The following SELP variants were observed in gnomAD, a reference collection of about 807,000 sequenced individuals.
SELP encodes P-selectin.
Under a neutral mutation model 104.1 loss-of-function variants are expected in SELP, and 92 were observed. That is an observed-to-expected ratio of 0.88 (90% CI 0.75 to 1.05). The LOEUF is 1.05. Among genes scored for constraint, SELP ranks in the 50% least tolerant of loss-of-function variants. The probability of loss-of-function intolerance (pLI) is 0.00; values close to 1 mark genes in which losing one functional copy is unlikely to be tolerated. For synonymous variants in SELP, 397 were observed against 364.5 expected (o/e 1.09, Z -1.01); for missense variants, 1,022 against 1,017.3 (o/e 1.00, Z -0.06).
chr1:169,611,908 A>G (rs2101903510), intron 6 of SELP, among the ~76,000 whole-genome samples: 1 of 152,096 alleles, frequency 6.6e-6, no homozygotes, highest in Non-Finnish European at 1.5e-5. Context: ...TATTCCCTAT[A>G]CTTCTATAAA....
intron 2 of SELP, among the ~76,000 whole-genome samples, chr1:169,618,614 T>C (rs1662942402): frequency 6.6e-6 from 1 of 152,236 alleles, no homozygotes; most frequent in South Asian, 2.1e-4. Context: ...TGAGGGTTAG[T>C]CATGCTTGTA....
chr1:169,609,210 C>T (rs1662359522), intron 8 of SELP, among the ~76,000 whole-genome samples: 3 of 152,122 alleles, frequency 2.0e-5, no homozygotes, highest in South Asian at 4.1e-4. Context: ...TTCCCCATCC[C>T]ATGCTATTCC....
At chr1:169,599,965 G>A (rs373898077) in intron 10 of SELP, among the ~76,000 whole-genome samples, 1 of 152,150 alleles carries the variant, frequency 6.6e-6, no homozygotes, top group South Asian at 2.1e-4. Flanking sequence ...ACAGTGTTAA[G>A]GGATTAGGAA....
intron 10 of SELP, among the ~76,000 whole-genome samples, chr1:169,602,057 A>C (rs1661934287): frequency 6.6e-6 from 1 of 152,182 alleles, no homozygotes; most frequent in Non-Finnish European, 1.5e-5. Flanking sequence ...TCTCAGGGGA[A>C]TTAAAGACAG....
intron 8 of SELP, 65 bp downstream of exon 8, chr1:169,609,439 A>C: frequency 6.9e-7 from 1 of 1,450,190 alleles, no homozygotes; most frequent in Non-Finnish European, 9.4e-7. Flanking sequence ...GCCAATGCTC[A>C]GTGCAGATGC....
At chr1:169,598,255 G>A (rs768243626) in intron 10 of SELP, among the ~76,000 whole-genome samples, 5 of 151,984 alleles carry the variant, frequency 3.3e-5, no homozygotes, top group Non-Finnish European at 5.9e-5. Flanking sequence ...TAAATGTTGG[G>A]TTATAGACAA....
chr1:169,593,545 A>G (rs2101863740), intron 14 of SELP, 60 bp downstream of exon 14: 1 of 1,524,116 alleles, frequency 6.6e-7, no homozygotes, highest in East Asian at 2.3e-5. Context: ...TAAATTACAT[A>G]AATCAATTTC....
At position 169,630,123 on chromosome 1, in the gene SELP, C is replaced by T. The variant is rs780026704; in HGVS notation, c.-49G>A. ...TCTGCCTTCTGCCCAACCCAGACTG[C>T]TTACAGTCTCACTGCCTCCCCTCAG... is the stretch of plus-strand genomic sequence containing the variant. On this transcript the variant is annotated 5_prime_UTR_variant, in exon 1 of 17. Coordinates refer to ENST00000263686, the MANE Select transcript of SELP (RefSeq NM_003005.4). 6.2e-7 allele frequency: 1 copy of T among 1,612,664 alleles called. No homozygotes were observed. The highest frequency in any genetic ancestry group is 1.1e-5 in the South Asian group (1 of 91,052).
In SELP at chr1:169,590,335, A is replaced by G. The variant is rs982370267; in HGVS notation, c.2439-133T>C. On this transcript the variant is annotated intron_variant, in intron 15 of 16. Transcript: ENST00000263686. ...ATTCTGCTTTAGAAAGGAAAGAAAA[A>G]TAAATGCCAAAGAAATATTCGATAT... is the stretch of plus-strand genomic sequence containing the variant. 1.8e-5 allele frequency: 12 copies of G among 682,660 alleles called. No homozygotes were observed. In the East Asian group the frequency reaches 3.3e-4, roughly 19 times the overall value. The allele number at this position is 682,660 out of a possible 1,614,324, so 42.3% of individuals were successfully genotyped here. A position where few individuals can be genotyped will look rare whatever the true frequency, so the allele number is the denominator to read the frequency against.
chr1:169,613,787 A>G lies in SELP; in HGVS notation c.482-94T>C, dbSNP rs2101907751. ...TGACCACAGACTCATCCCCTCTCAG[A>G]TAGGACTGAGCTAGCCAGACAAGAG... On this transcript the variant is annotated intron_variant, in intron 3 of 16. Transcript: ENST00000263686. 4 of 1,003,958 alleles carry G rather than the reference A, an allele frequency of 4.0e-6. No homozygotes were observed. In the South Asian group the frequency reaches 5.3e-5, roughly 13 times the overall value. The allele number at this position is 1,003,958 out of a possible 1,614,324, so 62.2% of individuals were successfully genotyped here.
At chr1:169,617,563 T>G in intron 2 of SELP, 149 bp from the exon 3 acceptor site, 1 of 814,542 alleles carries the variant, frequency 1.2e-6, no homozygotes, top group Non-Finnish European at 1.9e-6. Context: ...TGTAGTTGTT[T>G]GAAGGAAAAA....
At chr1:169,621,854 C>A (rs1571678485) in intron 1 of SELP, among the ~76,000 whole-genome samples, 1 of 152,166 alleles carries the variant, frequency 6.6e-6, no homozygotes, top group East Asian at 1.9e-4. Context: ...AACCTAACCC[C>A]ACTGCTTTCT....
intron 13 of SELP, 114 bp from the exon 14 acceptor site, chr1:169,593,838 A>G (rs1661465968): frequency 1.9e-6 from 2 of 1,048,898 alleles, no homozygotes; most frequent in Admixed American, 2.3e-5. Context: ...AAGTAGGATC[A>G]CCAAAGGTCC....
intron 4 of SELP, 73 bp downstream of exon 4, chr1:169,613,513 A>G (rs1376355786): frequency 1.7e-6 from 2 of 1,180,048 alleles, no homozygotes; most frequent in African/African-American, 1.5e-5. Context: ...AGAGACTTCA[A>G]CATGATTTAT....
chr1:169,625,965 G>A (rs1195512117), intron 1 of SELP, among the ~76,000 whole-genome samples: 1 of 152,202 alleles, frequency 6.6e-6, no homozygotes, highest in African/African-American at 2.4e-5. Flanking sequence ...AAACTTATGT[G>A]ATAGAATGAC....
chr1:169,611,420 G>A, intron 7 of SELP, 72 bp downstream of exon 7: 1 of 1,474,562 alleles, frequency 6.8e-7, no homozygotes, highest in Admixed American at 1.9e-5. Context: ...CCGACACTGA[G>A]AGCCCTTGGC....
intron 8 of SELP, 123 bp downstream of exon 8, chr1:169,609,381 A>G (rs1300578407): frequency 7.4e-6 from 7 of 940,522 alleles, no homozygotes; most frequent in Non-Finnish European, 9.4e-6. Flanking sequence ...AGCACAAAGG[A>G]CATGGCCCAT....
rs149854759 is a variant in SELP, at chr1:169,590,160, G to A, written c.2481C>T (p.Asp827=). 57 of 1,612,132 alleles carry A rather than the reference G, an allele frequency of 3.5e-5. No homozygotes were observed. Among genetic ancestry groups the A allele is most frequent in the Non-Finnish European group, 8.5e-6 (10 of 1,178,390 alleles). ...TAGGGATCTTACCTTAAGGACTCGG[G>A]TCAAATGCAGCGTTTGTAAAAACTC... ...TYGVFTNAAF[D]PSP is the part of the protein sequence containing the mutation. Residue 827 remains aspartate, a synonymous_variant, in exon 16 of 17, where the codon GAC becomes GAT. Coordinates refer to ENST00000263686, the MANE Select transcript of SELP (RefSeq NM_003005.4).
chr1:169,603,784 T>A (rs1321844580), intron 9 of SELP, among the ~76,000 whole-genome samples: 1 of 152,270 alleles, frequency 6.6e-6, no homozygotes, highest in East Asian at 1.9e-4. Context: ...TCAGTTGCTT[T>A]ATCTTCGAAA....
Sources: allele counts gnomAD v4.1 joint callset (sites outside exome capture counted in the v4.1 genomes callset), GRCh38; gene constraint gnomAD v4.1.1; transcripts MANE v1.5; gene names NCBI Gene and HGNC (gene_info 2026-07-23, HGNC 2026-07-21).